Variants in VEGFC observed in about 807,000 individuals in gnomAD.
VEGFC encodes FLT4 ligand DHM.
Under a neutral mutation model 46.1 loss-of-function variants are expected in VEGFC, and 12 were observed. The ratio of observed to expected loss-of-function variants is 0.26; its 90% confidence interval spans 0.17 to 0.42. VEGFC has a LOEUF of 0.42. Among genes scored for constraint, VEGFC ranks in the 10% least tolerant of loss-of-function variants. VEGFC has a pLI of 1.00. For missense variants in VEGFC, 488 were observed against 529.4 expected, an observed-to-expected ratio of 0.92 and a Z score of 0.77; for synonymous variants, 232 against 195.5, an observed-to-expected ratio of 1.19 and a Z score of -1.56.
intron 1 of VEGFC, among the ~76,000 whole-genome samples, chr4:176,737,786 A>G (rs567365489): frequency 6.6e-6 from 1 of 151,982 alleles, no homozygotes; most frequent in Non-Finnish European, 1.5e-5. Flanking sequence ...ATATATAATT[A>G]CAAATTGGGT....
intron 1 of VEGFC, among the ~76,000 whole-genome samples, chr4:176,762,525 T>C (rs1223351343): frequency 6.6e-6 from 1 of 152,178 alleles, no homozygotes; most frequent in African/African-American, 2.4e-5. Context: ...AAAACTAGAT[T>C]TCTATTTTTC....
intron 2 of VEGFC, among the ~76,000 whole-genome samples, chr4:176,728,293 T>C (rs1291750440): frequency 6.6e-6 from 1 of 152,206 alleles, no homozygotes; most frequent in East Asian, 1.9e-4. Context: ...ATTTAATATA[T>C]GAATGTTTAT....
intron 4 of VEGFC, among the ~76,000 whole-genome samples, chr4:176,708,658 C>A (rs995789208): frequency 1.3e-5 from 2 of 152,084 alleles, no homozygotes; most frequent in Non-Finnish European, 2.9e-5. Flanking sequence ...ATTTAAAATT[C>A]TCTAATATCG....
chr4:176,778,483 A>G (rs1735854378), intron 1 of VEGFC, among the ~76,000 whole-genome samples: 1 of 152,236 alleles, frequency 6.6e-6, no homozygotes, highest in Non-Finnish European at 1.5e-5. Flanking sequence ...CGCCACCAAC[A>G]AAAAGTCTTC....
intron 1 of VEGFC, among the ~76,000 whole-genome samples, chr4:176,790,699 T>C (rs1337531981): frequency 1.3e-5 from 2 of 152,328 alleles, no homozygotes; most frequent in Middle Eastern, 3.4e-3. Context: ...ACAGAGATGT[T>C]GCCTTACTAA....
At chr4:176,721,018 T>A (rs1271545974) in intron 3 of VEGFC, among the ~76,000 whole-genome samples, 1 of 151,998 alleles carries the variant, frequency 6.6e-6, no homozygotes, top group Admixed American at 6.6e-5. Context: ...ACTAGATACA[T>A]CGAGATACGG....
intron 1 of VEGFC, among the ~76,000 whole-genome samples, chr4:176,789,182 G>A (rs567248423): frequency 1.3e-5 from 2 of 152,156 alleles, no homozygotes; most frequent in Non-Finnish European, 2.9e-5. Context: ...TAGGAGGCCA[G>A]GACCTTCCTC....
chr4:176,699,964 T>G (rs1444975570), intron 4 of VEGFC, among the ~76,000 whole-genome samples: 1 of 152,186 alleles, frequency 6.6e-6, no homozygotes, highest in Non-Finnish European at 1.5e-5. Flanking sequence ...TCTTGTTCCA[T>G]TAGTCTACTC....
intron 1 of VEGFC, among the ~76,000 whole-genome samples, chr4:176,786,891 G>A (rs935485288): frequency 3.9e-5 from 6 of 152,120 alleles, no homozygotes; most frequent in African/African-American, 1.2e-4. Flanking sequence ...TAAAGCAATG[G>A]AGGAAGGCCT....
rs1234715439 is a variant in VEGFC, at chr4:176,696,112, T to C, written c.705-8185A>G. On this transcript the variant is annotated intron_variant, in intron 4 of 6. Coordinates refer to ENST00000618562, the MANE Select transcript of VEGFC (RefSeq NM_005429.5). ...CCTCTCTCACCACTACTATTCAACATAGTGTTGGAAGTTCTGGCCAGGGCA... is the reference window on the plus strand; with the variant it reads ...CCTCTCTCACCACTACTATTCAACACAGTGTTGGAAGTTCTGGCCAGGGCA... Among the ~76,000 whole-genome samples the C allele has an allele frequency of 6.2e-5, 9 of 146,244 alleles. No individual in the cohort carries two copies. The East Asian group carries it at 1.8e-3, about 30-fold the overall frequency.
intron 1 of VEGFC, among the ~76,000 whole-genome samples, chr4:176,773,028 G>A (rs1052489032): frequency 2.6e-5 from 4 of 152,040 alleles, no homozygotes; most frequent in South Asian, 2.1e-4. Flanking sequence ...TTTCTTTATC[G>A]GCTTCTCTTA....
At chr4:176,691,748 C>T (rs550822121) in intron 4 of VEGFC, among the ~76,000 whole-genome samples, 2 of 152,288 alleles carry the variant, frequency 1.3e-5, no homozygotes, top group Non-Finnish European at 2.9e-5. Flanking sequence ...CGTTCTGTTA[C>T]ATTATATTCT....
intron 4 of VEGFC, among the ~76,000 whole-genome samples, chr4:176,695,868 G>A (rs1358886374): frequency 6.6e-6 from 1 of 151,710 alleles, no homozygotes; most frequent in Non-Finnish European, 1.5e-5. Flanking sequence ...TATAAACAGA[G>A]CCAAAGACAA....
chr4:176,727,734 G>C, intron 3 of VEGFC, 44 bp downstream of exon 3: 1 of 1,573,392 alleles, frequency 6.4e-7, no homozygotes, highest in African/African-American at 1.4e-5. Context: ...TAAAGCTTCT[G>C]ATTAAGGGGG....
chr4:176,769,981 T>C (rs1226235310), intron 1 of VEGFC, among the ~76,000 whole-genome samples: 1 of 152,164 alleles, frequency 6.6e-6, no homozygotes, highest in African/African-American at 2.4e-5. Context: ...TATTTCCTAG[T>C]AACCCATGCC....
chr4:176,759,383 C>T (rs1361171286), intron 1 of VEGFC, among the ~76,000 whole-genome samples: 4 of 152,024 alleles, frequency 2.6e-5, no homozygotes, highest in African/African-American at 9.7e-5. Context: ...GACAAATATG[C>T]ATGATCACGC....
At chr4:176,775,693 T>A (rs528760885) in intron 1 of VEGFC, among the ~76,000 whole-genome samples, 1 of 152,362 alleles carries the variant, frequency 6.6e-6, no homozygotes, top group African/African-American at 2.4e-5. Flanking sequence ...AGACTCAAAC[T>A]AGATTTTTGA....
chr4:176,784,303 C>G (rs1479542923), intron 1 of VEGFC, among the ~76,000 whole-genome samples: 1 of 151,858 alleles, frequency 6.6e-6, no homozygotes, highest in Non-Finnish European at 1.5e-5. Flanking sequence ...CTCCTGGGTT[C>G]AAGTGATCTA....
chr4:176,698,146 AAAT>A (rs972178905), intron 4 of VEGFC, among the ~76,000 whole-genome samples: 61 of 150,236 alleles, frequency 4.1e-4, no homozygotes, highest in African/African-American at 9.7e-4. Context: ...ATAAAAATAA[AAAT>A]AATAATAATA....
Sources: allele counts gnomAD v4.1 joint callset (sites outside exome capture counted in the v4.1 genomes callset), GRCh38; gene constraint gnomAD v4.1.1; transcripts MANE v1.5; gene names NCBI Gene and HGNC (gene_info 2026-07-23, HGNC 2026-07-21).